Variants in XIRP2 observed in about 807,000 individuals in gnomAD.
XIRP2 encodes xin actin binding repeat containing 2.
XIRP2 carries 236 observed loss-of-function variants against 277.0 expected under a neutral mutation model. The ratio of observed to expected loss-of-function variants is 0.85; its 90% confidence interval spans 0.77 to 0.95. The LOEUF (loss-of-function observed/expected upper bound fraction) is 0.95. Among genes scored for constraint, XIRP2 ranks in the 40% least tolerant of loss-of-function variants. The probability of loss-of-function intolerance (pLI) is 0.00; values close to 1 mark genes in which losing one functional copy is unlikely to be tolerated. For synonymous variants in XIRP2, 1,490 were observed against 1,416.5 expected (o/e 1.05, Z -1.17); for missense variants, 4,640 against 4,157.5 (o/e 1.12, Z -3.19).
chr2:166,979,611 T>G (rs1001264335), intron 2 of XIRP2, among the ~76,000 whole-genome samples: 1 of 152,092 alleles, frequency 6.6e-6, no homozygotes, highest in Admixed American at 6.6e-5. Flanking sequence ...TATTAAAATT[T>G]GGTCAAATGT....
chr2:166,973,214 A>C (rs1012683926), intron 2 of XIRP2, among the ~76,000 whole-genome samples: 2 of 152,214 alleles, frequency 1.3e-5, no homozygotes, highest in Admixed American at 1.3e-4. Context: ...ATTTTAAGGA[A>C]GAAATATTAA....
chr2:167,047,910 G>T (rs1367613001), intron 2 of XIRP2, among the ~76,000 whole-genome samples: 1 of 151,780 alleles, frequency 6.6e-6, no homozygotes, highest in Non-Finnish European at 1.5e-5. Context: ...TAGATTTGAA[G>T]GTTAATTAAA....
At chr2:167,043,433 T>C (rs74601669) in intron 2 of XIRP2, among the ~76,000 whole-genome samples, 3,435 of 152,054 alleles carry the variant, frequency 0.023, 102 homozygotes, top group East Asian at 0.073. Flanking sequence ...TAAATAAGAT[T>C]GATAGCCTAG....
At position 167,241,761 on chromosome 2, in the gene XIRP2, GT is replaced by G; in HGVS notation, c.1043-11del. ...AGTAATTACATAGTAACCCTGGTGT[GT>G]TTTTCTGTTTGTAGTCATTGATACA... On this transcript the variant is annotated splice_polypyrimidine_tract_variant and intron_variant, in intron 7 of 10. Transcript: ENST00000409195. 3.8e-6 allele frequency: 6 copies of G among 1,591,346 alleles called. No homozygotes were observed. The highest frequency in any genetic ancestry group is 1.2e-5 in the South Asian group (1 of 86,634).
chr2:167,239,488 T>A (rs1015004677), intron 5 of XIRP2, among the ~76,000 whole-genome samples: 22 of 152,302 alleles, frequency 1.4e-4, no homozygotes, highest in African/African-American at 5.3e-4. Flanking sequence ...TAGATGGCAG[T>A]GTGAGAAGTT....
intron 1 of XIRP2, among the ~76,000 whole-genome samples, chr2:166,899,082 C>G (rs1222141233): frequency 6.6e-6 from 1 of 152,038 alleles, no homozygotes; most frequent in East Asian, 1.9e-4. Flanking sequence ...GTGTTTCTCT[C>G]TTTCATTTTT....
In XIRP2 at chr2:167,243,899, C is replaced by T. The variant is rs77595411; in HGVS notation, c.2507C>T (p.Thr836Ile). 82 of 1,613,908 alleles carry T rather than the reference C, an allele frequency of 5.1e-5. No homozygotes were observed. The East Asian group carries it at 1.8e-3, about 35-fold the overall frequency. Residue 836 changes from threonine (T) to isoleucine (I), a missense_variant, in exon 9 of 11, where the codon ACA (threonine) becomes ATA (isoleucine). Coordinates refer to ENST00000409195, the MANE Select transcript of XIRP2 (RefSeq NM_152381.6). ...ATTGAAAAGGAAAAAATAATAGGTA[C>T]AGATGTCTCCAGAAAGTGTTGGATG... Reference protein sequence around the residue: ...VIIEKEKIIGTDVSRKCWMFE... With the variant: ...VIIEKEKIIGIDVSRKCWMFE...
intron 3 of XIRP2, among the ~76,000 whole-genome samples, chr2:167,159,977 G>C (rs752396314): frequency 6.6e-6 from 1 of 152,184 alleles, no homozygotes. Flanking sequence ...TGCAATGCTA[G>C]AGAACAGTAG....
intron 2 of XIRP2, among the ~76,000 whole-genome samples, chr2:167,070,528 T>C (rs1315902518): frequency 6.6e-6 from 1 of 152,202 alleles, no homozygotes; most frequent in Non-Finnish European, 1.5e-5. Flanking sequence ...TTTCATGTAT[T>C]GTAAATTTAA....
At chr2:167,219,810 A>G (rs539369627) in intron 5 of XIRP2, among the ~76,000 whole-genome samples, 2 of 152,340 alleles carry the variant, frequency 1.3e-5, no homozygotes, top group East Asian at 1.9e-4. Context: ...TGATTTGCCT[A>G]TCTCATTAGG....
intron 2 of XIRP2, among the ~76,000 whole-genome samples, chr2:167,042,041 T>A (rs535263716): frequency 1.3e-5 from 2 of 152,306 alleles, no homozygotes; most frequent in South Asian, 4.1e-4. Context: ...ATCTTCAGCA[T>A]CTTTAAAGAA....
chr2:167,088,063 TTCTGGC>T (rs1690018095), intron 2 of XIRP2, among the ~76,000 whole-genome samples: 1 of 152,140 alleles, frequency 6.6e-6, no homozygotes, highest in Non-Finnish European at 1.5e-5. Context: ...CACTATTAAT[TTCTGGC>T]AACAGCTATC....
At chr2:166,960,367 A>C (rs1686270248) in intron 2 of XIRP2, among the ~76,000 whole-genome samples, 1 of 151,742 alleles carries the variant, frequency 6.6e-6, no homozygotes, top group South Asian at 2.1e-4. Context: ...ATTTGTTAGA[A>C]CAGTTGTACT....
At position 167,135,975 on chromosome 2, in the gene XIRP2, G is replaced by A. The variant is rs1209445133; in HGVS notation, c.475G>A (p.Asp159Asn). 6.2e-7 allele frequency: 1 copy of A among 1,612,164 alleles called. No individual in the cohort carries two copies. Among genetic ancestry groups the A allele is most frequent in the Admixed American group, 1.7e-5 (1 of 59,536 alleles). Residue 159 changes from aspartate to asparagine, a missense_variant, in exon 3 of 11, where the codon GAT (aspartate) becomes AAT (asparagine). Transcript: ENST00000409195. ...GAGTCACCCTGGGAGCCAGCTGGAGGATTCTGTGAAAGATTCAGACAAGAA... is the reference window on the plus strand; with the variant it reads ...GAGTCACCCTGGGAGCCAGCTGGAGAATTCTGTGAAAGATTCAGACAAGAA... ...FKSHPGSQLE[D>N]SVKDSDKKGK...
chr2:167,248,657 C>T lies in XIRP2; in HGVS notation c.7265C>T (p.Pro2422Leu), dbSNP rs1205985521. ...ITGKTGVLPPPTLPKPKLPKH... is the reference protein window; with the variant it reads ...ITGKTGVLPPLTLPKPKLPKH... ...GGAAAAACCGGTGTGTTGCCACCTC[C>T]CACATTGCCCAAACCCAAACTTCCC... Residue 2422 changes from proline to leucine, a missense_variant, in exon 9 of 11, where the codon CCC becomes CTC. Transcript: ENST00000409195. 3.7e-6 allele frequency: 6 copies of T among 1,613,666 alleles called. No homozygotes were observed. The highest frequency in any genetic ancestry group is 2.2e-5 in the South Asian group (2 of 91,058).
At chr2:167,174,324 CT>C (rs1392876226) in intron 3 of XIRP2, among the ~76,000 whole-genome samples, 3 of 152,140 alleles carry the variant, frequency 2.0e-5, no homozygotes, top group African/African-American at 4.8e-5. Flanking sequence ...GATTCAACTT[CT>C]TCCTGGTTTA....
At chr2:167,179,338 T>G (rs1234330771) in intron 3 of XIRP2, among the ~76,000 whole-genome samples, 1 of 150,972 alleles carries the variant, frequency 6.6e-6, no homozygotes, top group Non-Finnish European at 1.5e-5. Flanking sequence ...TTTTTTTTTT[T>G]GAGACAAAGT....
chr2:166,921,125 T>C (rs1685026550), intron 2 of XIRP2, among the ~76,000 whole-genome samples: 1 of 152,104 alleles, frequency 6.6e-6, no homozygotes, highest in Non-Finnish European at 1.5e-5. Context: ...CACATGCATC[T>C]CTGCTTTCAC....
intron 2 of XIRP2, among the ~76,000 whole-genome samples, chr2:166,936,871 G>C (rs1685533797): frequency 6.6e-6 from 1 of 152,102 alleles, no homozygotes. Flanking sequence ...TGTTCTTTTG[G>C]CTTAGGATTG....
Sources: allele counts gnomAD v4.1 joint callset (sites outside exome capture counted in the v4.1 genomes callset), GRCh38; gene constraint gnomAD v4.1.1; transcripts MANE v1.5; gene names NCBI Gene and HGNC (gene_info 2026-07-23, HGNC 2026-07-21).